HLCS: variants seen among roughly 807,000 people sequenced by gnomAD.
HLCS encodes holocarboxylase synthetase.
In HLCS, 53 loss-of-function variants were observed where a neutral mutation model predicts 75.0. That is an observed-to-expected ratio of 0.71 (90% confidence interval 0.57 to 0.89). The LOEUF (loss-of-function observed/expected upper bound fraction) is 0.89, where lower values mean the gene tolerates loss of function less well. Among genes scored for constraint, HLCS ranks in the 40% least tolerant of loss-of-function variants. HLCS has a pLI of 0.00. For synonymous variants in HLCS, 431 were observed against 428.6 expected (o/e 1.01, Z -0.07); for missense variants, 966 against 1,074.0 (o/e 0.90, Z 1.41).
At chr21:36,788,818 C>A (rs1392855531) in intron 6 of HLCS, among the ~76,000 whole-genome samples, 1 of 152,164 alleles carries the variant, frequency 6.6e-6, no homozygotes, top group African/African-American at 2.4e-5. Flanking sequence ...CGTGCCAGAG[C>A]TCTTTAATTG....
rs556466347 is a variant in HLCS at position 36,837,261 on chromosome 21, GA to G, written c.1892+59598del. ...TGGGACCTGACCTGCTTATTGTTCA[GA>G]AAGCTATTTATAAAAGTTTTGTGAA... On this transcript the variant is annotated intron_variant, in intron 6 of 10. Coordinates refer to ENST00000674895, the MANE Select transcript of HLCS (RefSeq NM_001352514.2). 4.1e-4 allele frequency among the ~76,000 whole-genome samples: 62 copies of G among 152,310 alleles called. 1 individual carries two copies. The highest frequency in any genetic ancestry group is 1.1e-3 in the African/African-American group (44 of 41,572).
intron 1 of HLCS, among the ~76,000 whole-genome samples, chr21:36,979,270 C>T (rs576285011): frequency 3.0e-4 from 33 of 109,656 alleles, no homozygotes; most frequent in African/African-American, 1.1e-3. Context: ...AAGACTCAGT[C>T]TCAAAAAAAA....
chr21:36,970,615 C>T (rs1481846424), upstream of HLCS, among the ~76,000 whole-genome samples: 4 of 152,092 alleles, frequency 2.6e-5, no homozygotes, highest in Non-Finnish European at 4.4e-5. Flanking sequence ...GCAATCTACC[C>T]GCCTCGGCCT....
intron 6 of HLCS, among the ~76,000 whole-genome samples, chr21:36,811,482 G>A (rs1346413058): frequency 2.0e-5 from 3 of 152,204 alleles, no homozygotes; most frequent in African/African-American, 4.8e-5. Context: ...ACCAAAGAAC[G>A]AGGGGAGTTC....
chr21:36,874,761 C>T (rs1330570814), intron 6 of HLCS, among the ~76,000 whole-genome samples: 4 of 152,254 alleles, frequency 2.6e-5, no homozygotes, highest in African/African-American at 9.6e-5. Flanking sequence ...CAGGAATGGG[C>T]GGGAGCCCTG....
chr21:36,754,531 G>A, intron 10 of HLCS, 114 bp from the exon 11 acceptor site: 1 of 1,148,572 alleles, frequency 8.7e-7, no homozygotes, highest in South Asian at 1.3e-5. Context: ...AGAGGGCTGA[G>A]GCTCGCTGCA....
chr21:36,826,278 G>C (rs1463019406), intron 6 of HLCS, among the ~76,000 whole-genome samples: 1 of 152,114 alleles, frequency 6.6e-6, no homozygotes, highest in Non-Finnish European at 1.5e-5. Flanking sequence ...CTGTTTTCTA[G>C]GAGTTGTTCC....
chr21:36,902,234 G>C (rs547554241), intron 5 of HLCS, among the ~76,000 whole-genome samples: 27 of 152,342 alleles, frequency 1.8e-4, no homozygotes, highest in Non-Finnish European at 3.4e-4. Flanking sequence ...GCAGTGGCTA[G>C]AGGGAGGAAT....
intron 6 of HLCS, among the ~76,000 whole-genome samples, chr21:36,889,822 A>G (rs1309897099): frequency 6.6e-6 from 1 of 152,208 alleles, no homozygotes; most frequent in Non-Finnish European, 1.5e-5. Flanking sequence ...AGGAAATAGC[A>G]CAGAAAAATA....
At chr21:36,801,154 A>C (rs925790170) in intron 6 of HLCS, among the ~76,000 whole-genome samples, 1 of 152,234 alleles carries the variant, frequency 6.6e-6, no homozygotes, top group African/African-American at 2.4e-5. Context: ...GGAAAATTAA[A>C]GACCAGACTG....
At chr21:36,986,025 G>C (rs1420181708) in intron 1 of HLCS, among the ~76,000 whole-genome samples, 1 of 152,158 alleles carries the variant, frequency 6.6e-6, no homozygotes, top group Non-Finnish European at 1.5e-5. Flanking sequence ...GCTATGGTTT[G>C]AATGTATTCC....
Position 36,966,425 on chromosome 21 carries a change from GC to G in HLCS, c.195+18del. ...CCGGCTCGCGGGGCCCGGGTCGCCC[GC>G]CCGCCCGACCCGCCCACCTGGCTGT... is the stretch of plus-strand genomic sequence containing the variant. On this transcript the variant is annotated intron_variant, in intron 1 of 10. Transcript: ENST00000674895. 16 of 195,420 alleles carry G rather than the reference GC, an allele frequency of 8.2e-5. No individual in the cohort carries two copies. The highest frequency in any genetic ancestry group is 1.3e-4 in the Non-Finnish European group (15 of 116,672). 12.1% of individuals were successfully genotyped at this position (195,420 alleles called of 1,614,324 possible). A position where few individuals can be genotyped will look rare whatever the true frequency, so the allele number is the denominator to read the frequency against.
At chr21:36,810,193 T>G (rs920374029) in intron 6 of HLCS, among the ~76,000 whole-genome samples, 1 of 152,234 alleles carries the variant, frequency 6.6e-6, no homozygotes, top group Non-Finnish European at 1.5e-5. Context: ...TATTTTAGCT[T>G]TGTATCCCAG....
chr21:36,865,575 A>G (rs1243879104), intron 6 of HLCS, among the ~76,000 whole-genome samples: 1 of 152,174 alleles, frequency 6.6e-6, no homozygotes, highest in Non-Finnish European at 1.5e-5. Flanking sequence ...TCTCCTAAAC[A>G]TACCCAGAGA....
At chr21:36,782,242 G>C in intron 6 of HLCS, among the ~76,000 whole-genome samples, 1 of 151,966 alleles carries the variant, frequency 6.6e-6, no homozygotes, top group East Asian at 1.9e-4. Context: ...TACTCCTTCT[G>C]AGGAAGACTA....
chr21:36,755,505 A>G (rs919383472), intron 10 of HLCS, among the ~76,000 whole-genome samples: 1 of 152,242 alleles, frequency 6.6e-6, no homozygotes, highest in Non-Finnish European at 1.5e-5. Context: ...CCATAAAATT[A>G]TAATAGCATT....
intron 6 of HLCS, among the ~76,000 whole-genome samples, chr21:36,794,307 C>T (rs908258003): frequency 2.0e-5 from 3 of 152,220 alleles, no homozygotes; most frequent in African/African-American, 7.2e-5. Flanking sequence ...AAACAAAATA[C>T]AGCAGATAAG....
chr21:36,931,726 G>A (rs939899082), intron 4 of HLCS, among the ~76,000 whole-genome samples: 1 of 150,692 alleles, frequency 6.6e-6, no homozygotes, highest in Non-Finnish European at 1.5e-5. Context: ...TCCAGCCTGG[G>A]CAACAAAGTG....
intron 2 of HLCS, among the ~76,000 whole-genome samples, chr21:36,961,164 G>T (rs2068269267): frequency 6.6e-6 from 1 of 152,284 alleles, no homozygotes; most frequent in Admixed American, 6.5e-5. Flanking sequence ...ACTCATTTTG[G>T]ACATGTGGCT....
Sources: allele counts gnomAD v4.1 joint callset (sites outside exome capture counted in the v4.1 genomes callset), GRCh38; gene constraint gnomAD v4.1.1; transcripts MANE v1.5; gene names NCBI Gene and HGNC (gene_info 2026-07-23, HGNC 2026-07-21).